SPTLC1: variants seen among roughly 807,000 people sequenced by gnomAD.
The protein encoded by SPTLC1 is serine palmitoyltransferase 1.
Under a neutral mutation model 68.9 loss-of-function variants are expected in SPTLC1, and 55 were observed. The ratio of observed to expected loss-of-function variants is 0.80; its 90% CI spans 0.64 to 1.00. The LOEUF (loss-of-function observed/expected upper bound fraction) is 1.00, where lower values mean the gene tolerates loss of function less well. Among genes scored for constraint, SPTLC1 ranks in the 50% least tolerant of loss-of-function variants. The pLI is 0.00. For synonymous variants in SPTLC1, 197 were observed against 201.6 expected, an observed-to-expected ratio of 0.98 and a Z score of 0.19; for missense variants, 449 against 573.1, an observed-to-expected ratio of 0.78 and a Z score of 2.21.
chr9:92,084,316 T>C (rs1343253586), intron 3 of SPTLC1, among the ~76,000 whole-genome samples: 1 of 151,668 alleles, frequency 6.6e-6, no homozygotes, highest in Non-Finnish European at 1.5e-5. Flanking sequence ...CCCTGTCTTG[T>C]GCCAGTTTTC....
Position 92,106,038 on chromosome 9 carries a change from G to A in SPTLC1, c.260+2702C>T, listed in dbSNP as rs369530617. Among the ~76,000 whole-genome samples the A allele has an allele frequency of 9.8e-3, 1,478 of 150,370 alleles. 22 individuals carry two copies. Among genetic ancestry groups the A allele is most frequent in the African/African-American group, 0.034 (1,368 of 40,758 alleles). ...TGGCAAGTGAGGAGCACCTCTGCCC[G>A]GCCCCCTCACCGTTTGTAAGGGAGG... On this transcript the variant is annotated intron_variant, in intron 3 of 14. Coordinates refer to ENST00000262554, the MANE Select transcript of SPTLC1 (RefSeq NM_006415.4).
At chr9:92,083,067 G>T (rs1359127915) in intron 3 of SPTLC1, among the ~76,000 whole-genome samples, 2 of 151,558 alleles carry the variant, frequency 1.3e-5, no homozygotes, top group East Asian at 3.9e-4. Flanking sequence ...CATGTCCTTT[G>T]CCCACTTTTT....
chr9:92,054,024 G>A, intron 8 of SPTLC1: 1 of 960,198 alleles, frequency 1.0e-6, no homozygotes, highest in Non-Finnish European at 1.2e-6. Flanking sequence ...GCTCACGCCT[G>A]TAATCTCAGC....
rs138175699 is a variant in SPTLC1, at chr9:92,072,752, G to A, written c.428-4654C>T. 7.0e-4 allele frequency among the ~76,000 whole-genome samples: 107 copies of A among 151,996 alleles called. 1 individual carries two copies. Among genetic ancestry groups the A allele is most frequent in the Middle Eastern group, 3.4e-3 (1 of 294 alleles). ...AGCACTTTCAATTTCTCTATTTTGCGGGACTTAGACAACTTCGGTTGCAAA... is the reference window on the plus strand; with the variant it reads ...AGCACTTTCAATTTCTCTATTTTGCAGGACTTAGACAACTTCGGTTGCAAA... On this transcript the variant is annotated intron_variant, in intron 5 of 14. Transcript: ENST00000262554.
At chr9:92,038,198 G>T in intron 13 of SPTLC1, 50 bp downstream of exon 13, 4 of 1,253,630 alleles carry the variant, frequency 3.2e-6, no homozygotes, top group Non-Finnish European at 4.7e-6. Flanking sequence ...ATTGCTTGGG[G>T]CAAGGGCAGA....
At chr9:92,114,247 G>A (rs1236600644) in intron 1 of SPTLC1, among the ~76,000 whole-genome samples, 5 of 152,094 alleles carry the variant, frequency 3.3e-5, no homozygotes, top group African/African-American at 9.7e-5. Flanking sequence ...TAGCCTGGGC[G>A]ACAGAGTGAA....
intron 5 of SPTLC1, among the ~76,000 whole-genome samples, chr9:92,069,462 G>A (rs1834407527): frequency 6.6e-6 from 1 of 152,162 alleles, no homozygotes; most frequent in Non-Finnish European, 1.5e-5. Context: ...ACAGAGTTTA[G>A]AAGAACGTAT....
At chr9:92,072,986 T>G (rs927221326) in intron 5 of SPTLC1, among the ~76,000 whole-genome samples, 1 of 149,744 alleles carries the variant, frequency 6.7e-6, no homozygotes. Flanking sequence ...CTGGCCCTAA[T>G]TCCCCCTCAG....
intron 13 of SPTLC1, 60 bp from the exon 14 acceptor site, chr9:92,034,943 T>C (rs1005840625): frequency 2.2e-6 from 3 of 1,362,638 alleles, no homozygotes; most frequent in Non-Finnish European, 3.2e-6. Flanking sequence ...GTAATTAAAC[T>C]GGGGGAACGC....
intron 13 of SPTLC1, among the ~76,000 whole-genome samples, chr9:92,035,115 G>A (rs1285767299): frequency 6.6e-6 from 1 of 152,238 alleles, no homozygotes; most frequent in African/African-American, 2.4e-5. Flanking sequence ...TGAGCCCTGT[G>A]TGCCTGCTGA....
chr9:92,059,429 A>G, intron 6 of SPTLC1, 121 bp from the exon 7 acceptor site: 1 of 1,014,426 alleles, frequency 9.9e-7, no homozygotes. Flanking sequence ...TAGCAAATAA[A>G]TAAAACATGT....
At chr9:92,041,454 G>A (rs1169919677) in intron 12 of SPTLC1, among the ~76,000 whole-genome samples, 1 of 152,112 alleles carries the variant, frequency 6.6e-6, no homozygotes, top group Non-Finnish European at 1.5e-5. Flanking sequence ...TAAATAAAAA[G>A]TTAAAATAAT....
Position 92,059,259 on chromosome 9 carries a change from T to G in SPTLC1, c.610A>C (p.Ser204Arg). The G allele has an allele frequency of 6.2e-7, 1 of 1,614,114 alleles. No homozygotes were observed. Among genetic ancestry groups the G allele is most frequent in the Non-Finnish European group, 8.5e-7 (1 of 1,179,986 alleles). The change falls in exon 7 of 15, where the codon AGT becomes CGT. Residue 204 changes from serine (S) to arginine (R), a missense_variant. Ser to Arg is a moderately radical substitution (Grantham distance 110). This residue lies in a region of SPTLC1 where 391 missense variants were observed against 472.1 expected (regional missense o/e 0.83). Coordinates refer to ENST00000262554, the MANE Select transcript of SPTLC1 (RefSeq NM_006415.4). Reference sequence around the variant, plus strand: ...TTATGCTTAAATAACTTAATGTCACTACGGGATGCCTGTAATCCTTTCTGA... The same window carrying G: ...TTATGCTTAAATAACTTAATGTCACGACGGGATGCCTGTAATCCTTTCTGA... ...AIQKGLQASR[S>R]DIKLFKHNDM...
chr9:92,069,626 G>C (rs1834413085), intron 5 of SPTLC1, among the ~76,000 whole-genome samples: 1 of 152,216 alleles, frequency 6.6e-6, no homozygotes, highest in South Asian at 2.1e-4. Flanking sequence ...CAGCCAAGTA[G>C]CTGAGCATGG....
At chr9:92,105,241 T>G (rs1193812664) in intron 3 of SPTLC1, 1 of 1,534,048 alleles carries the variant, frequency 6.5e-7, no homozygotes, top group Non-Finnish European at 8.7e-7. Flanking sequence ...GGGAGAGAGA[T>G]GAGGGGCCCC....
intron 5 of SPTLC1, among the ~76,000 whole-genome samples, chr9:92,077,510 C>T (rs1834724528): frequency 6.6e-6 from 1 of 152,068 alleles, no homozygotes; most frequent in African/African-American, 2.4e-5. Flanking sequence ...CATCAGACGA[C>T]CAGCCTAGCT....
intron 6 of SPTLC1, among the ~76,000 whole-genome samples, chr9:92,064,592 T>C (rs1834217804): frequency 6.6e-6 from 1 of 152,234 alleles, no homozygotes; most frequent in South Asian, 2.1e-4. Flanking sequence ...ACATAGCAAC[T>C]GCATTCCTTG....
At chr9:92,051,694 T>A (rs1476969283) in intron 8 of SPTLC1, among the ~76,000 whole-genome samples, 1 of 152,252 alleles carries the variant, frequency 6.6e-6, no homozygotes, top group Non-Finnish European at 1.5e-5. Flanking sequence ...TATTCACAGA[T>A]GGTGTAATCT....
intron 14 of SPTLC1, 95 bp from the exon 15 acceptor site, chr9:92,032,653 G>C: frequency 6.6e-7 from 1 of 1,506,986 alleles, no homozygotes; most frequent in Non-Finnish European, 9.1e-7. Context: ...AAGGCAGGTG[G>C]ATCACGAGGT....
Sources: allele counts gnomAD v4.1 joint callset (sites outside exome capture counted in the v4.1 genomes callset), GRCh38; gene constraint gnomAD v4.1.1; regional missense constraint gnomAD v4.1.1; transcripts MANE v1.5; gene names NCBI Gene and HGNC (gene_info 2026-07-23, HGNC 2026-07-21).